Variants in PRIM2 observed in about 807,000 individuals in gnomAD.
PRIM2 encodes DNA primase subunit 2.
PRIM2 carries 39 observed loss-of-function variants against 67.3 expected under a neutral mutation model. The observed-to-expected ratio is 0.58, with a 90% CI of 0.45 to 0.76. The LOEUF (loss-of-function observed/expected upper bound fraction) is 0.76. Ranked by LOEUF, PRIM2 falls within the 30% of genes least tolerant of loss-of-function variation. The pLI is 0.00. For missense variants in PRIM2, 398 were observed against 598.7 expected (o/e 0.66, Z 3.50); for synonymous variants, 143 against 198.7 (o/e 0.72, Z 2.36).
chr6:57,227,248 C>T, the PRIM2 span, among the ~76,000 whole-genome samples: 1 of 152,184 alleles, frequency 6.6e-6, no homozygotes, highest in African/African-American at 2.4e-5. Context: ...TATTCTTCCT[C>T]ACACTTCTGT....
At chr6:57,309,954 A>G (rs1324606639), upstream of PRIM2, among the ~76,000 whole-genome samples, 2 of 152,196 alleles carry the variant, frequency 1.3e-5, no homozygotes, top group Non-Finnish European at 2.9e-5. Flanking sequence ...GGATCTAATT[A>G]AACTAAAGAG....
At chr6:57,338,035 G>A (rs796769968) in intron 5 of PRIM2, among the ~76,000 whole-genome samples, 1 of 151,942 alleles carries the variant, frequency 6.6e-6, no homozygotes, top group Non-Finnish European at 1.5e-5. Flanking sequence ...TATCACCACT[G>A]ATCCCACAGA....
At chr6:57,255,782 G>A in the PRIM2 span, among the ~76,000 whole-genome samples, 1 of 152,006 alleles carries the variant, frequency 6.6e-6, no homozygotes, top group Non-Finnish European at 1.5e-5. Context: ...GGCTATTATG[G>A]CAGATACAAA....
chr6:57,339,103 C>T (rs1426611106), intron 5 of PRIM2, among the ~76,000 whole-genome samples: 14 of 151,732 alleles, frequency 9.2e-5, no homozygotes, highest in Non-Finnish European at 2.1e-4. Flanking sequence ...CTCCCATTCA[C>T]AATTGCTTCA....
At chr6:57,326,138 T>C in intron 5 of PRIM2, 93 bp downstream of exon 5, 1 of 1,403,330 alleles carries the variant, frequency 7.1e-7, no homozygotes, top group Non-Finnish European at 9.7e-7. Context: ...GTGTGTTCTC[T>C]TTACATTCTC....
At chr6:57,478,618 G>A (rs1773537574) in intron 7 of PRIM2, among the ~76,000 whole-genome samples, 2 of 152,026 alleles carry the variant, frequency 1.3e-5, no homozygotes, top group South Asian at 4.1e-4. Context: ...CTTCTTAGTT[G>A]GAAATTTGCA....
At chr6:57,428,060 TAAAAA>T (rs200947680) in intron 7 of PRIM2, among the ~76,000 whole-genome samples, 1 of 149,714 alleles carries the variant, frequency 6.7e-6, no homozygotes, top group Non-Finnish European at 1.5e-5. Flanking sequence ...AAAACTGACT[TAAAAA>T]AAAAATTGCA....
chr6:57,495,532 C>T (rs1773983430), intron 7 of PRIM2, among the ~76,000 whole-genome samples: 2 of 152,156 alleles, frequency 1.3e-5, no homozygotes, highest in Non-Finnish European at 2.9e-5. Flanking sequence ...TCTGGGGCTA[C>T]CATTCTTGAA....
intron 10 of PRIM2, among the ~76,000 whole-genome samples, chr6:57,586,432 G>A (rs1444119336): frequency 5.3e-5 from 8 of 152,116 alleles, no homozygotes; most frequent in African/African-American, 1.9e-4. Flanking sequence ...ACCTGTAGTG[G>A]CTTGGAGGCA....
At chr6:57,255,534 T>G in the PRIM2 span, among the ~76,000 whole-genome samples, 1 of 151,966 alleles carries the variant, frequency 6.6e-6, no homozygotes, top group African/African-American at 2.4e-5. Flanking sequence ...TCAATTTACT[T>G]GCATCCCTAT....
chr6:57,385,879 A>T (rs1280290637), intron 7 of PRIM2, among the ~76,000 whole-genome samples: 1 of 150,032 alleles, frequency 6.7e-6, no homozygotes, highest in Non-Finnish European at 1.5e-5. Context: ...CCCAATTCTG[A>T]TTGACTTTAT....
intron 5 of PRIM2, among the ~76,000 whole-genome samples, chr6:57,351,427 T>C (rs1259010760): frequency 4.6e-5 from 7 of 152,128 alleles, no homozygotes; most frequent in Non-Finnish European, 7.3e-5. Context: ...ATAAAGATAA[T>C]TATTTGTTGA....
chr6:57,265,333 T>C, the PRIM2 span, among the ~76,000 whole-genome samples: 2 of 152,218 alleles, frequency 1.3e-5, no homozygotes, highest in Non-Finnish European at 2.9e-5. Context: ...GAAGGGACAG[T>C]ATGACTTTAA....
At chr6:57,381,696 T>C (rs2127336963) in intron 6 of PRIM2, among the ~76,000 whole-genome samples, 1 of 152,242 alleles carries the variant, frequency 6.6e-6, no homozygotes, top group East Asian at 1.9e-4. Flanking sequence ...ATATGTGAGG[T>C]GAATGCAACA....
At chr6:57,301,856 A>G in the PRIM2 span, among the ~76,000 whole-genome samples, 1 of 152,188 alleles carries the variant, frequency 6.6e-6, no homozygotes, top group East Asian at 1.9e-4. Context: ...GGAGAAATAT[A>G]CCTAACAATA....
intron 12 of PRIM2, among the ~76,000 whole-genome samples, chr6:57,624,601 T>C (rs1164490868): frequency 6.6e-6 from 1 of 152,156 alleles, no homozygotes; most frequent in Non-Finnish European, 1.5e-5. Flanking sequence ...GAAAGTTGAG[T>C]AGGAGTTTCC....
intron 5 of PRIM2, among the ~76,000 whole-genome samples, chr6:57,372,561 G>T (rs2127324943): frequency 6.6e-6 from 1 of 152,050 alleles, no homozygotes; most frequent in African/African-American, 2.4e-5. Context: ...ATAATAAATG[G>T]TGAGTGAGGT....
intron 7 of PRIM2, among the ~76,000 whole-genome samples, chr6:57,436,507 A>G (rs1426022836): frequency 6.6e-6 from 1 of 152,164 alleles, no homozygotes; most frequent in Non-Finnish European, 1.5e-5. Context: ...TTGGACTCCC[A>G]TTGGTAGTCC....
the PRIM2 span, among the ~76,000 whole-genome samples, chr6:57,224,685 T>C: frequency 6.6e-6 from 1 of 151,794 alleles, no homozygotes; most frequent in East Asian, 1.9e-4. Flanking sequence ...ACTTCTGGGA[T>C]CCAAATTTGA....
Sources: gnomAD v4.1 joint callset for allele counts (sites outside exome capture counted in the v4.1 genomes callset) on GRCh38, gnomAD v4.1.1 for gene constraint, MANE v1.5 for transcripts, NCBI Gene and HGNC (gene_info 2026-07-23, HGNC 2026-07-21) for gene names.